The following PPP2R5A variants were observed in gnomAD, a reference collection of about 807,000 sequenced individuals.
PPP2R5A encodes serine/threonine-protein phosphatase 2A 56 kDa regulatory subunit alpha isoform.
In PPP2R5A, 25 loss-of-function variants were observed where a neutral mutation model predicts 64.2. That is an observed-to-expected ratio of 0.39 (90% CI 0.28 to 0.54). The LOEUF is 0.54. Ranked by LOEUF, PPP2R5A falls within the 20% of genes least tolerant of loss-of-function variation. The probability of loss-of-function intolerance (pLI) is 0.67; values close to 1 mark genes in which losing one functional copy is unlikely to be tolerated. For synonymous variants in PPP2R5A, 198 were observed against 201.2 expected (o/e 0.98, Z 0.13); for missense variants, 425 against 576.3 (o/e 0.74, Z 2.69).
In PPP2R5A at chr1:212,286,100, G is replaced by C; in HGVS notation, c.-11G>C. ...CAGCAGCCGGAGCTGCCAAGCGTCA[G>C]GGCCGCGGAGATGTCGTCGTCGTCG... On this transcript the variant is annotated 5_prime_UTR_variant, in exon 1 of 13. Transcript: ENST00000261461. 1 of 1,554,828 alleles carries C rather than the reference G, an allele frequency of 6.4e-7. No homozygotes were observed. Among genetic ancestry groups the C allele is most frequent in the Admixed American group, 1.9e-5 (1 of 53,312 alleles).
At chr1:212,319,586 A>G (rs920385246) in intron 1 of PPP2R5A, 10 of 151,052 alleles carry the variant, frequency 6.6e-5, no homozygotes, top group Admixed American at 6.6e-4. Context: ...TACATTTAAC[A>G]GATTTATTAT....
rs1017458325 is a variant in PPP2R5A at position 212,312,208 on chromosome 1, T to C, written c.182-16927T>C. Among the ~76,000 whole-genome samples the C allele has an allele frequency of 2.0e-5, 3 of 152,244 alleles. No homozygotes were observed. The East Asian group carries it at 5.8e-4, about 29-fold the overall frequency. On this transcript the variant is annotated intron_variant, in intron 1 of 12. Transcript: ENST00000261461. ...TGACAGTTTTGTAGCCTAGGAGCAG[T>C]AGGCTCTACCATATAGCCTAGGCGT...
intron 8 of PPP2R5A, among the ~76,000 whole-genome samples, chr1:212,350,749 A>G (rs1315371684): frequency 3.9e-5 from 6 of 152,176 alleles, no homozygotes; most frequent in Non-Finnish European, 8.8e-5. Context: ...ACATATTGAA[A>G]AGTCATGGTT....
intron 2 of PPP2R5A, chr1:212,331,808 T>C (rs1272877898): frequency 6.6e-6 from 1 of 152,158 alleles, no homozygotes; most frequent in African/African-American, 2.4e-5. Context: ...TAAAAAGGTG[T>C]GTGTGTGTTG....
chr1:212,344,798 T>TTC (rs1379087913), intron 4 of PPP2R5A, among the ~76,000 whole-genome samples: 3 of 152,182 alleles, frequency 2.0e-5, no homozygotes, highest in African/African-American at 7.2e-5. Flanking sequence ...AGTACACTGA[T>TTC]TGGGCCAATT....
At chr1:212,303,199 C>T (rs1658830679) in intron 1 of PPP2R5A, among the ~76,000 whole-genome samples, 1 of 152,180 alleles carries the variant, frequency 6.6e-6, no homozygotes, top group Non-Finnish European at 1.5e-5. Context: ...CTATTTTACA[C>T]TCCCACTTGT....
intron 1 of PPP2R5A, among the ~76,000 whole-genome samples, chr1:212,310,963 G>A (rs1012398749): frequency 6.6e-6 from 1 of 152,198 alleles, no homozygotes; most frequent in Non-Finnish European, 1.5e-5. Flanking sequence ...GCTGAGCCAA[G>A]GGGGAAGGAG....
intron 1 of PPP2R5A, among the ~76,000 whole-genome samples, chr1:212,291,471 G>T (rs1411321427): frequency 6.6e-6 from 1 of 152,164 alleles, no homozygotes; most frequent in Non-Finnish European, 1.5e-5. Context: ...ATTGGCCTAA[G>T]GTAAAATCCA....
chr1:212,313,394 A>G (rs565847529), intron 1 of PPP2R5A, among the ~76,000 whole-genome samples: 1 of 152,326 alleles, frequency 6.6e-6, no homozygotes, highest in South Asian at 2.1e-4. Context: ...TACTGTTTAT[A>G]CATACTTACA....
intron 1 of PPP2R5A, among the ~76,000 whole-genome samples, chr1:212,288,637 A>G (rs1170326850): frequency 1.3e-5 from 2 of 152,202 alleles, no homozygotes; most frequent in African/African-American, 2.4e-5. Flanking sequence ...AAAAACACCA[A>G]CATTCAATTG....
intron 12 of PPP2R5A, among the ~76,000 whole-genome samples, chr1:212,359,559 A>C (rs947885094): frequency 5.3e-5 from 8 of 152,348 alleles, no homozygotes; most frequent in African/African-American, 1.7e-4. Flanking sequence ...GCACTTTCTT[A>C]AACTTAAGTG....
rs1404677156 is a variant in PPP2R5A at position 212,286,147 on chromosome 1, G to A, written c.37G>A (p.Ala13Thr). 2 of 1,586,554 alleles carry A rather than the reference G, an allele frequency of 1.3e-6. No homozygotes were observed. The highest frequency in any genetic ancestry group is 2.3e-5 in the East Asian group (1 of 43,276). ...GTCGCCGCCGGCGGGGGCTGCCAGCGCCGCCATCTCGGCCTCGGAGAAAGT... is the reference window on the plus strand; with the variant it reads ...GTCGCCGCCGGCGGGGGCTGCCAGCACCGCCATCTCGGCCTCGGAGAAAGT... Reference protein sequence around the residue: ...SSSPPAGAASAAISASEKVDG... With the variant: ...SSSPPAGAASTAISASEKVDG... Residue 13 changes from alanine (A) to threonine (T), a missense_variant, in exon 1 of 13, where the codon GCC (alanine) becomes ACC (threonine). Ala to Thr is a moderately conservative substitution (Grantham distance 58). Coordinates refer to ENST00000261461, the MANE Select transcript of PPP2R5A (RefSeq NM_006243.4).
chr1:212,310,503 C>T (rs1659008924), intron 1 of PPP2R5A, among the ~76,000 whole-genome samples: 1 of 152,120 alleles, frequency 6.6e-6, no homozygotes, highest in Non-Finnish European at 1.5e-5. Context: ...GCCTACTTCT[C>T]CCCCATCCCC....
chr1:212,346,058 G>A (rs1367695619), intron 5 of PPP2R5A, 125 bp downstream of exon 5: 2 of 956,192 alleles, frequency 2.1e-6, no homozygotes, highest in East Asian at 6.1e-5. Context: ...CTGGAGTGCA[G>A]TGGTGAGAAC....
Position 212,356,961 on chromosome 1 carries a change from A to G in PPP2R5A, c.990A>G (p.Leu330=). 1 of 1,572,264 alleles carries G rather than the reference A, an allele frequency of 6.4e-7. No homozygotes were observed. Among genetic ancestry groups the G allele is most frequent in the Non-Finnish European group, 8.6e-7 (1 of 1,158,822 alleles). ...TTTTTTTAACCTAGGTGATGTTTTT[A>G]GGAGAAATTGAAGAAATCTTAGATG... ...KTCSQKEVMF[L]GEIEEILDVI... Residue 330 remains leucine, a synonymous_variant, in exon 10 of 13, where the codon TTA becomes TTG. Transcript: ENST00000261461.
chr1:212,345,729 CT>C, intron 4 of PPP2R5A, 73 bp from the exon 5 acceptor site: 2 of 1,491,286 alleles, frequency 1.3e-6, no homozygotes, highest in East Asian at 2.4e-5. Flanking sequence ...CATGGATAAT[CT>C]TTAAGATCAA....
intron 5 of PPP2R5A, among the ~76,000 whole-genome samples, chr1:212,346,632 C>T (rs1659781350): frequency 2.6e-5 from 4 of 152,032 alleles, no homozygotes; most frequent in Non-Finnish European, 5.9e-5. Context: ...ATGAAACCTG[C>T]GGATACAGGG....
At chr1:212,307,320 A>C (rs1373963352) in intron 1 of PPP2R5A, among the ~76,000 whole-genome samples, 1 of 151,418 alleles carries the variant, frequency 6.6e-6, no homozygotes, top group African/African-American at 2.4e-5. Flanking sequence ...TATTAGAATC[A>C]GCTTCAAATT....
intron 1 of PPP2R5A, among the ~76,000 whole-genome samples, chr1:212,317,668 AGT>A (rs1366257172): frequency 6.6e-6 from 1 of 152,166 alleles, no homozygotes; most frequent in Non-Finnish European, 1.5e-5. Flanking sequence ...TTTGAAAAAC[AGT>A]ATACTAGAGC....
Sources: gnomAD v4.1 joint callset for allele counts (sites outside exome capture counted in the v4.1 genomes callset) on GRCh38, gnomAD v4.1.1 for gene constraint, MANE v1.5 for transcripts, NCBI Gene and HGNC (gene_info 2026-07-23, HGNC 2026-07-21) for gene names.